Variants in PHACTR1 observed in about 807,000 individuals in gnomAD.
The protein encoded by PHACTR1 is RPEL repeat containing 1.
Under a neutral mutation model 69.2 loss-of-function variants are expected in PHACTR1, and 16 were observed. That is an observed-to-expected ratio of 0.23 (90% CI 0.16 to 0.35). The LOEUF is 0.35. Among genes scored for constraint, PHACTR1 ranks in the 10% least tolerant of loss-of-function variants. The pLI is 1.00. For synonymous variants in PHACTR1, 312 were observed against 284.5 expected, an observed-to-expected ratio of 1.10 and a Z score of -0.97; for missense variants, 510 against 734.7, an observed-to-expected ratio of 0.69 and a Z score of 3.54.
intron 4 of PHACTR1, among the ~76,000 whole-genome samples, chr6:13,051,314 G>A (rs201298647): frequency 6.6e-6 from 1 of 152,160 alleles, no homozygotes; most frequent in Non-Finnish European, 1.5e-5. Flanking sequence ...CATAGCCTAA[G>A]CATCTGGTAC....
intron 4 of PHACTR1, among the ~76,000 whole-genome samples, chr6:12,876,919 T>C (rs1458212855): frequency 2.0e-5 from 3 of 152,086 alleles, no homozygotes. Flanking sequence ...TAAATCCCAG[T>C]ACAAAATCAA....
chr6:13,068,095 T>C (rs1455201854), intron 5 of PHACTR1, among the ~76,000 whole-genome samples: 2 of 152,184 alleles, frequency 1.3e-5, no homozygotes, highest in African/African-American at 4.8e-5. Context: ...GGCAGGCAGA[T>C]TACCTGAGGT....
intron 4 of PHACTR1, among the ~76,000 whole-genome samples, chr6:12,993,141 G>A (rs1432463970): frequency 6.6e-6 from 1 of 152,130 alleles, no homozygotes; most frequent in Non-Finnish European, 1.5e-5. Context: ...TGATTTTTCA[G>A]GCCGTTTTTT....
At chr6:12,894,230 G>A (rs1449503937) in intron 4 of PHACTR1, among the ~76,000 whole-genome samples, 1 of 152,186 alleles carries the variant, frequency 6.6e-6, no homozygotes, top group Admixed American at 6.5e-5. Context: ...TAAGAAAAAA[G>A]CCTAGGAGAA....
intron 4 of PHACTR1, among the ~76,000 whole-genome samples, chr6:12,931,897 CAGAT>C (rs1017635927): frequency 1.3e-5 from 2 of 151,924 alleles, no homozygotes; most frequent in Non-Finnish European, 2.9e-5. Flanking sequence ...AGATTTCACT[CAGAT>C]AGTAAGAGTC....
chr6:12,744,928 T>C (rs1388202792), intron 3 of PHACTR1, among the ~76,000 whole-genome samples: 1 of 152,118 alleles, frequency 6.6e-6, no homozygotes, highest in Non-Finnish European at 1.5e-5. Flanking sequence ...ACCTCCAGTA[T>C]AATGTTAAAT....
intron 5 of PHACTR1, among the ~76,000 whole-genome samples, chr6:13,122,899 A>G (rs138457541): frequency 1.3e-5 from 2 of 152,352 alleles, no homozygotes; most frequent in African/African-American, 4.8e-5. Context: ...ACAGTGCCAT[A>G]CAAATATTCA....
At chr6:13,093,106 A>C (rs1813551082) in intron 5 of PHACTR1, among the ~76,000 whole-genome samples, 2 of 152,224 alleles carry the variant, frequency 1.3e-5, no homozygotes, top group African/African-American at 2.4e-5. Context: ...TATGGTTGAC[A>C]GAATTCTTAG....
At chr6:12,990,082 T>C (rs950300476) in intron 4 of PHACTR1, among the ~76,000 whole-genome samples, 1 of 152,182 alleles carries the variant, frequency 6.6e-6, no homozygotes, top group African/African-American at 2.4e-5. Flanking sequence ...TATTGTCCCA[T>C]ATTTTTATAG....
At chr6:13,005,698 T>C (rs1235367014) in intron 4 of PHACTR1, among the ~76,000 whole-genome samples, 1 of 152,186 alleles carries the variant, frequency 6.6e-6, no homozygotes, top group East Asian at 1.9e-4. Context: ...CCTTTGATCA[T>C]TCACTTCACA....
chr6:13,268,037 T>A (rs1777055136), intron 10 of PHACTR1, among the ~76,000 whole-genome samples: 1 of 151,832 alleles, frequency 6.6e-6, no homozygotes, highest in African/African-American at 2.4e-5. Flanking sequence ...GAGGCCGAGG[T>A]GGGTGGATCA....
intron 4 of PHACTR1, among the ~76,000 whole-genome samples, chr6:13,031,309 A>C (rs1474922144): frequency 6.6e-6 from 1 of 152,102 alleles, no homozygotes; most frequent in Non-Finnish European, 1.5e-5. Flanking sequence ...GTGTTTGTCT[A>C]TTTTAGGACT....
At chr6:12,794,418 A>G (rs1178897864) in intron 4 of PHACTR1, among the ~76,000 whole-genome samples, 1 of 152,212 alleles carries the variant, frequency 6.6e-6, no homozygotes, top group African/African-American at 2.4e-5. Flanking sequence ...GGGTAATTCC[A>G]AACCAAGGGA....
intron 3 of PHACTR1, among the ~76,000 whole-genome samples, chr6:12,738,470 G>C (rs1022696376): frequency 2.0e-5 from 3 of 152,176 alleles, no homozygotes; most frequent in Admixed American, 6.5e-5. Context: ...TCCCTTATCA[G>C]TTCGTGCTTG....
chr6:12,945,964 AAAATAAAT>A (rs146460461), intron 4 of PHACTR1, among the ~76,000 whole-genome samples: 11,549 of 142,374 alleles, frequency 0.081, 1,117 homozygotes, highest in African/African-American at 0.24. Flanking sequence ...CTCTGTCTCA[AAAATAAAT>A]AAATAAATAA....
chr6:13,257,472 G>A (rs181606143), intron 10 of PHACTR1, among the ~76,000 whole-genome samples: 1 of 152,120 alleles, frequency 6.6e-6, no homozygotes, highest in Admixed American at 6.5e-5. Flanking sequence ...CACCTTATCT[G>A]GAAAACGTTC....
At chr6:12,940,160 C>T (rs1415785270) in intron 4 of PHACTR1, among the ~76,000 whole-genome samples, 2 of 152,200 alleles carry the variant, frequency 1.3e-5, no homozygotes, top group Non-Finnish European at 2.9e-5. Context: ...AAAGCACACC[C>T]TCTTGCAACA....
chr6:12,746,530 C>A (rs1429496218), intron 3 of PHACTR1, among the ~76,000 whole-genome samples: 2 of 152,006 alleles, frequency 1.3e-5, no homozygotes, highest in Non-Finnish European at 2.9e-5. Flanking sequence ...AGAGTGAGAG[C>A]CTGTCTCAAA....
At chr6:12,877,473 A>C (rs1348008033) in intron 4 of PHACTR1, among the ~76,000 whole-genome samples, 1 of 152,110 alleles carries the variant, frequency 6.6e-6, no homozygotes, top group Non-Finnish European at 1.5e-5. Context: ...ATCCAGCCCT[A>C]ATCAATTGAG....
Sources: allele counts gnomAD v4.1 joint callset (sites outside exome capture counted in the v4.1 genomes callset), GRCh38; gene constraint gnomAD v4.1.1; transcripts MANE v1.5; gene names NCBI Gene and HGNC (gene_info 2026-07-23, HGNC 2026-07-21).